AFF3: variants seen among roughly 807,000 people sequenced by gnomAD.
The protein encoded by AFF3 is AF4/FMR2 family member 3.
Under a neutral mutation model 129.7 loss-of-function variants are expected in AFF3, and 32 were observed. That is an observed-to-expected ratio of 0.25 (90% CI 0.19 to 0.33). The LOEUF (loss-of-function observed/expected upper bound fraction) is 0.33. AFF3 is among the 10% of genes least tolerant of loss of function. The pLI, the probability that AFF3 is intolerant of heterozygous loss-of-function variation, is 1.00. For synonymous variants in AFF3, 644 were observed against 635.4 expected (o/e 1.01, Z -0.20); for missense variants, 1,373 against 1,592.0 (o/e 0.86, Z 2.34).
intron 4 of AFF3, among the ~76,000 whole-genome samples, chr2:100,072,487 C>CT (rs1473346084): frequency 6.6e-6 from 1 of 152,156 alleles, no homozygotes; most frequent in Non-Finnish European, 1.5e-5. Flanking sequence ...AGGGCACATG[C>CT]TGCACACCTG....
intron 8 of AFF3, among the ~76,000 whole-genome samples, chr2:99,803,129 T>C (rs1257143190): frequency 6.6e-6 from 1 of 152,222 alleles, no homozygotes; most frequent in Non-Finnish European, 1.5e-5. Context: ...GTTCCTTCTA[T>C]GCCTAGTTTG....
chr2:99,786,535 T>C (rs1684804656), intron 8 of AFF3, among the ~76,000 whole-genome samples: 1 of 152,220 alleles, frequency 6.6e-6, no homozygotes. Flanking sequence ...TACATGGTAA[T>C]AATGCAAGTA....
intron 13 of AFF3, among the ~76,000 whole-genome samples, chr2:99,635,431 G>T (rs1162968652): frequency 6.6e-6 from 1 of 152,116 alleles, no homozygotes; most frequent in Non-Finnish European, 1.5e-5. Flanking sequence ...CCAAGTAGCT[G>T]AGACTACAGG....
chr2:99,718,851 T>C (rs972094700), intron 11 of AFF3, among the ~76,000 whole-genome samples: 2 of 151,592 alleles, frequency 1.3e-5, no homozygotes, highest in African/African-American at 4.8e-5. Flanking sequence ...CCCGGGTTCA[T>C]GCCATTCTCC....
intron 20 of AFF3, among the ~76,000 whole-genome samples, chr2:99,561,925 T>C (rs1052765805): frequency 2.5e-4 from 38 of 152,346 alleles, no homozygotes; most frequent in African/African-American, 8.7e-4. Context: ...TCTTGAAGAA[T>C]AGTTTCACTG....
At chr2:99,688,530 C>T (rs1272981302) in intron 11 of AFF3, among the ~76,000 whole-genome samples, 3 of 152,224 alleles carry the variant, frequency 2.0e-5, no homozygotes, top group African/African-American at 7.2e-5. Context: ...CCTTGTCTTG[C>T]TTGGTCACTC....
intron 7 of AFF3, among the ~76,000 whole-genome samples, chr2:99,890,628 C>G (rs1246801538): frequency 6.6e-6 from 1 of 152,170 alleles, no homozygotes; most frequent in Non-Finnish European, 1.5e-5. Context: ...CCAACCAGCA[C>G]TCTCTCACAG....
chr2:99,992,003 A>G (rs1439425758), intron 7 of AFF3, among the ~76,000 whole-genome samples: 1 of 152,078 alleles, frequency 6.6e-6, no homozygotes, highest in African/African-American at 2.4e-5. Flanking sequence ...AGCATAGCCA[A>G]TTTCAAAGAT....
At chr2:99,841,544 T>C (rs1037254615) in intron 7 of AFF3, among the ~76,000 whole-genome samples, 3 of 152,234 alleles carry the variant, frequency 2.0e-5, no homozygotes, top group African/African-American at 7.2e-5. Flanking sequence ...TCTTGAGTCT[T>C]TTCAGAACAC....
chr2:99,968,175 T>G (rs1426153702), intron 7 of AFF3, among the ~76,000 whole-genome samples: 1 of 152,188 alleles, frequency 6.6e-6, no homozygotes, highest in Non-Finnish European at 1.5e-5. Context: ...AATGAACTAG[T>G]CCCTCCTCTA....
intron 2 of AFF3, among the ~76,000 whole-genome samples, chr2:100,118,497 T>C (rs1360781841): frequency 6.6e-6 from 1 of 152,222 alleles, no homozygotes. Flanking sequence ...TGCAAAGTTA[T>C]ATTACAGTGT....
At chr2:99,611,682 T>C (rs1680939252) in intron 13 of AFF3, among the ~76,000 whole-genome samples, 3 of 151,598 alleles carry the variant, frequency 2.0e-5, no homozygotes, top group South Asian at 2.1e-4. Context: ...AGGTCAGGAG[T>C]TCGAGAGCAG....
Position 99,572,293 on chromosome 2 carries a change from A to ACC in AFF3, c.2919-3380_2919-3379dup, listed in dbSNP as rs71376487. 3.0e-3 allele frequency among the ~76,000 whole-genome samples: 128 copies of ACC among 43,216 alleles called. 1 individual carries two copies. Among genetic ancestry groups the ACC allele is most frequent in the South Asian group, 0.023 (15 of 664 alleles). 28.4% of individuals were successfully genotyped at this position (43,216 alleles called of 152,430 possible). On this transcript the variant is annotated intron_variant, in intron 18 of 24. Transcript: ENST00000672756. The stretch of plus-strand genomic sequence containing the variant: ...CTTTTCTTCTCTTCCCCCTCCCACC[A>ACC]CCCCCCCCCCCCCACCTAGAAACAC...
chr2:99,662,001 A>T (rs1482221300), intron 12 of AFF3, among the ~76,000 whole-genome samples: 1 of 152,136 alleles, frequency 6.6e-6, no homozygotes, highest in Non-Finnish European at 1.5e-5. Context: ...ATAGCTGGGC[A>T]TGGTGGCACA....
intron 18 of AFF3, among the ~76,000 whole-genome samples, chr2:99,576,039 ATT>A (rs528574305): frequency 6.9e-6 from 1 of 145,462 alleles, no homozygotes; most frequent in Non-Finnish European, 1.5e-5. Context: ...GTGAGACATG[ATT>A]TTTTTTTTTT....
At chr2:99,704,738 C>T (rs902154644) in intron 11 of AFF3, among the ~76,000 whole-genome samples, 3 of 152,200 alleles carry the variant, frequency 2.0e-5, no homozygotes, top group East Asian at 1.9e-4. Context: ...TCCAGTAATA[C>T]TCTATTGGCA....
intron 8 of AFF3, among the ~76,000 whole-genome samples, chr2:99,792,215 C>T (rs941808939): frequency 1.3e-5 from 2 of 152,112 alleles, no homozygotes; most frequent in African/African-American, 4.8e-5. Flanking sequence ...TTTTTCTAGA[C>T]ACTATTACAC....
intron 13 of AFF3, among the ~76,000 whole-genome samples, chr2:99,637,383 C>T (rs1461779129): frequency 6.6e-6 from 1 of 152,238 alleles, no homozygotes; most frequent in African/African-American, 2.4e-5. Context: ...AAGACAGTGG[C>T]ACCTGTGTTC....
chr2:99,677,614 G>A (rs1288962723), intron 11 of AFF3, among the ~76,000 whole-genome samples: 1 of 152,202 alleles, frequency 6.6e-6, no homozygotes, highest in Non-Finnish European at 1.5e-5. Context: ...TTCATGCAGG[G>A]AGAGCGGGCC....
Sources: gnomAD v4.1 joint callset for allele counts (sites outside exome capture counted in the v4.1 genomes callset) on GRCh38, gnomAD v4.1.1 for gene constraint, MANE v1.5 for transcripts, NCBI Gene and HGNC (gene_info 2026-07-23, HGNC 2026-07-21) for gene names.